The following VSTM2L variants were observed in gnomAD, a reference collection of about 807,000 sequenced individuals.
VSTM2L encodes the protein V-set and transmembrane domain-containing protein 2-like protein.
VSTM2L carries 9 observed loss-of-function variants against 19.9 expected under a neutral mutation model. The observed-to-expected ratio is 0.45, with a 90% CI of 0.27 to 0.79. The LOEUF is 0.79. Among genes scored for constraint, VSTM2L ranks in the 30% least tolerant of loss-of-function variants. The pLI, the probability that VSTM2L is intolerant of heterozygous loss-of-function variation, is 0.15. For missense variants in VSTM2L, 286 were observed against 295.5 expected (o/e 0.97, Z 0.24); for synonymous variants, 127 against 133.8 (o/e 0.95, Z 0.35).
At chr20:37,918,446 G>A (rs1047805724) in intron 1 of VSTM2L, among the ~76,000 whole-genome samples, 1 of 152,214 alleles carries the variant, frequency 6.6e-6, no homozygotes, top group Non-Finnish European at 1.5e-5. Flanking sequence ...CGGAGATTGA[G>A]GCTCATAGCC....
intron 1 of VSTM2L, among the ~76,000 whole-genome samples, chr20:37,929,601 G>A (rs1010006134): frequency 3.3e-5 from 5 of 152,168 alleles, no homozygotes; most frequent in African/African-American, 9.7e-5. Flanking sequence ...GTCAAGGTAC[G>A]TCTGGCTGCT....
At position 37,929,090 on chromosome 20, in the gene VSTM2L, G is replaced by T. The variant is rs546247126; in HGVS notation, c.122-2545G>T. Among the ~76,000 whole-genome samples, 9 of 152,322 alleles carry T rather than the reference G, an allele frequency of 5.9e-5. No individual in the cohort carries two copies. In the South Asian group the frequency reaches 1.9e-3, roughly 32 times the overall value. On this transcript the variant is annotated intron_variant, in intron 1 of 3. Coordinates refer to ENST00000373461, the MANE Select transcript of VSTM2L (RefSeq NM_080607.3). ...GCGTTGGAGGGAAGGGTGGTTTGAA[G>T]TGCCGGGTTTAAATGAGGTGGTCAG...
At chr20:37,911,979 C>T (rs145548612) in intron 1 of VSTM2L, among the ~76,000 whole-genome samples, 29 of 152,312 alleles carry the variant, frequency 1.9e-4, no homozygotes, top group African/African-American at 7.0e-4. Flanking sequence ...CCTTAACTCT[C>T]AGTGGCCTGC....
At chr20:37,933,359 G>A (rs1038405496) in intron 2 of VSTM2L, among the ~76,000 whole-genome samples, 180 bp from the exon 3 acceptor site, 2 of 152,198 alleles carry the variant, frequency 1.3e-5, no homozygotes, top group Admixed American at 6.5e-5. Context: ...CTCCTCCCCT[G>A]AGTGGATACA....
intron 1 of VSTM2L, among the ~76,000 whole-genome samples, chr20:37,914,398 A>ACGTGTGTGGGGGGAGTATTTGGGTG (rs1568835334): frequency 5.0e-3 from 4 of 798 alleles, no homozygotes; most frequent in Non-Finnish European, 7.9e-3. Flanking sequence ...GGGTGTGTGT[A>ACGTGTGTGGGGGGAGTATTTGGGTG]TGTATGTGTG....
At chr20:37,943,728 G>A (rs17725232) in intron 3 of VSTM2L, among the ~76,000 whole-genome samples, 11 of 152,016 alleles carry the variant, frequency 7.2e-5, no homozygotes, top group Non-Finnish European at 1.3e-4. Context: ...TTCTAGCTCC[G>A]TCTTTCGGAC....
intron 1 of VSTM2L, among the ~76,000 whole-genome samples, chr20:37,908,283 G>A (rs1048158414): frequency 1.2e-4 from 18 of 152,212 alleles, no homozygotes; most frequent in African/African-American, 3.9e-4. Flanking sequence ...AGTCGCCTGC[G>A]GCAAACAAGT....
At chr20:37,926,698 G>A (rs573743658) in intron 1 of VSTM2L, among the ~76,000 whole-genome samples, 6 of 152,200 alleles carry the variant, frequency 3.9e-5, no homozygotes, top group African/African-American at 4.8e-5. Flanking sequence ...GGACTTGGGC[G>A]TCACAGAGGG....
Position 37,919,310 on chromosome 20 carries a change from C to A in VSTM2L, c.122-12325C>A, listed in dbSNP as rs1378589683. Among the ~76,000 whole-genome samples the A allele has an allele frequency of 2.0e-5, 3 of 152,222 alleles. No individual in the cohort carries two copies. The South Asian group carries it at 6.2e-4, about 31-fold the overall frequency. ...TTTGCCTGTCCCAAGGTGAAGCAACCTTCATGAACTCACACCTCCATTCCT... is the reference window on the plus strand; with the variant it reads ...TTTGCCTGTCCCAAGGTGAAGCAACATTCATGAACTCACACCTCCATTCCT... On this transcript the variant is annotated intron_variant, in intron 1 of 3. Transcript: ENST00000373461.
intron 1 of VSTM2L, among the ~76,000 whole-genome samples, chr20:37,930,509 C>A (rs535315470): frequency 1.3e-5 from 2 of 152,182 alleles, no homozygotes; most frequent in South Asian, 4.2e-4. Flanking sequence ...CGTTGCCAGG[C>A]GTCTTTCCAG....
chr20:37,943,691 T>C (rs1159324808), intron 3 of VSTM2L, among the ~76,000 whole-genome samples: 1 of 152,096 alleles, frequency 6.6e-6, no homozygotes, highest in Non-Finnish European at 1.5e-5. Flanking sequence ...TTCCCTCTGC[T>C]GTTTGCCACT....
intron 1 of VSTM2L, among the ~76,000 whole-genome samples, chr20:37,910,850 A>G (rs533642736): frequency 6.6e-6 from 1 of 151,628 alleles, no homozygotes; most frequent in East Asian, 1.9e-4. Context: ...CCAAGAGTTC[A>G]AGGCTGCAGT....
At chr20:37,907,358 C>T (rs548257105) in intron 1 of VSTM2L, among the ~76,000 whole-genome samples, 14 of 152,310 alleles carry the variant, frequency 9.2e-5, no homozygotes, top group Admixed American at 3.9e-4. Context: ...CCTCCCTCCT[C>T]GGCCTTCCAA....
chr20:37,931,674 C>T lies in VSTM2L; in HGVS notation c.161C>T (p.Thr54Met), dbSNP rs138420536. The T allele has an allele frequency of 2.0e-4, 323 of 1,613,500 alleles. 1 individual carries two copies. In the African/African-American group the frequency reaches 3.3e-3, roughly 16 times the overall value. The stretch of plus-strand genomic sequence containing the variant: ...ACACCCCATGACATGACAGCACGGA[C>T]GGGCGAGGACGTGGAGATGGCCTGC... Reference protein sequence around the residue: ...TETPHDMTARTGEDVEMACSF... With the variant: ...TETPHDMTARMGEDVEMACSF... Residue 54 changes from threonine (T) to methionine (M), a missense_variant, in exon 2 of 4, where the codon ACG becomes ATG. By Grantham distance (81) the Thr-to-Met change is moderately conservative. Transcript: ENST00000373461.
At chr20:37,920,894 CTTGA>C (rs11467317) in intron 1 of VSTM2L, among the ~76,000 whole-genome samples, 104,243 of 150,132 alleles carry the variant, frequency 0.69, 36,402 homozygotes, top group African/African-American at 0.79. Flanking sequence ...TCCTTTCTCC[CTTGA>C]TTGATTGATT....
At chr20:37,912,752 G>A (rs953636205) in intron 1 of VSTM2L, among the ~76,000 whole-genome samples, 13 of 152,248 alleles carry the variant, frequency 8.5e-5, no homozygotes, top group Admixed American at 2.0e-4. Context: ...CAGCGAGCAG[G>A]GCAGCAGTGC....
At chr20:37,919,754 G>A (rs2072840209) in intron 1 of VSTM2L, among the ~76,000 whole-genome samples, 1 of 152,222 alleles carries the variant, frequency 6.6e-6, no homozygotes, top group African/African-American at 2.4e-5. Context: ...TGAAAAGGAT[G>A]GGGCTTAGAT....
intron 3 of VSTM2L, among the ~76,000 whole-genome samples, chr20:37,934,572 C>G (rs1363084781): frequency 1.3e-5 from 2 of 152,146 alleles, no homozygotes; most frequent in African/African-American, 4.8e-5. Context: ...GCGGGGAAAC[C>G]TTTCTAAATT....
At position 37,944,818 on chromosome 20, in the gene VSTM2L, G is replaced by C; in HGVS notation, c.*565G>C. 1 of 986,068 alleles carries C rather than the reference G, an allele frequency of 1.0e-6. No homozygotes were observed. The highest frequency in any genetic ancestry group is 6.1e-5 in the Admixed American group (1 of 16,286). The allele number at this position is 986,068 out of a possible 1,614,324, so 61.1% of individuals were successfully genotyped here. A position where few individuals can be genotyped will look rare whatever the true frequency, so the allele number is the denominator to read the frequency against. The stretch of plus-strand genomic sequence containing the variant: ...TCACTCATGGAGGCCTAGGGGAACA[G>C]CGAGATGCCCCACCACCTCCTGGCG... On this transcript the variant is annotated 3_prime_UTR_variant, in exon 4 of 4. Coordinates refer to ENST00000373461, the MANE Select transcript of VSTM2L (RefSeq NM_080607.3).
Sources: gnomAD v4.1 joint callset for allele counts (sites outside exome capture counted in the v4.1 genomes callset) on GRCh38, gnomAD v4.1.1 for gene constraint, MANE v1.5 for transcripts, NCBI Gene and HGNC (gene_info 2026-07-23, HGNC 2026-07-21) for gene names.